PLA2R1: variants seen among roughly 807,000 people sequenced by gnomAD.
PLA2R1 encodes phospholipase A2 receptor 1, also known as secretory phospholipase A2 receptor.
A neutral mutation model predicts 195.9 loss-of-function variants in PLA2R1; 158 were observed. The observed-to-expected ratio is 0.81, with a 90% CI of 0.71 to 0.92. PLA2R1 has a LOEUF of 0.92. Ranked by LOEUF, PLA2R1 falls within the 40% of genes least tolerant of loss-of-function variation. The pLI, the probability that PLA2R1 is intolerant of heterozygous loss-of-function variation, is 0.00. For missense variants in PLA2R1, 1,626 were observed against 1,764.6 expected (o/e 0.92, Z 1.41); for synonymous variants, 586 against 598.2 (o/e 0.98, Z 0.30).
At chr2:159,954,685 C>T (rs1032355127) in intron 23 of PLA2R1, among the ~76,000 whole-genome samples, 5 of 152,046 alleles carry the variant, frequency 3.3e-5, no homozygotes, top group African/African-American at 1.2e-4. Flanking sequence ...AGTGCATTCA[C>T]ACTATTCATT....
chr2:160,001,141 C>A (rs1278353090), intron 11 of PLA2R1, among the ~76,000 whole-genome samples: 2 of 151,972 alleles, frequency 1.3e-5, no homozygotes, highest in African/African-American at 4.8e-5. Context: ...GCAAAGATAA[C>A]AACAACAAAA....
At chr2:160,005,375 C>T (rs62175471) in intron 11 of PLA2R1, among the ~76,000 whole-genome samples, 58,527 of 152,040 alleles carry the variant, frequency 0.38, 14,089 homozygotes, top group Non-Finnish European at 0.53. Flanking sequence ...GTCAAGGCTG[C>T]AGTGAACCGA....
intron 12 of PLA2R1, among the ~76,000 whole-genome samples, chr2:159,985,982 T>C (rs1690297618): frequency 6.6e-6 from 1 of 152,080 alleles, no homozygotes; most frequent in Non-Finnish European, 1.5e-5. Flanking sequence ...ACCTGGGATA[T>C]AAAACCCCGA....
At chr2:160,004,707 A>G (rs2715916) in intron 11 of PLA2R1, among the ~76,000 whole-genome samples, 131,031 of 152,210 alleles carry the variant, frequency 0.86, 56,619 homozygotes, top group African/African-American at 0.92. Flanking sequence ...CTGAAGTAGA[A>G]GGGCTGTTGG....
intron 25 of PLA2R1, 121 bp downstream of exon 25, chr2:159,949,487 C>A (rs1687589862): frequency 3.1e-6 from 2 of 639,620 alleles, no homozygotes; most frequent in Non-Finnish European, 2.6e-6. Context: ...CCAACCAGAC[C>A]AGAGGCTTCT....
chr2:160,004,303 T>C (rs1691819922), intron 11 of PLA2R1, among the ~76,000 whole-genome samples: 1 of 152,260 alleles, frequency 6.6e-6, no homozygotes, highest in African/African-American at 2.4e-5. Context: ...GGTCACATTA[T>C]CTATAGTAAG....
chr2:159,934,324 AAG>A lies in PLA2R1; in HGVS notation c.*7452_*7453del, dbSNP rs1358372230. 6.6e-6 allele frequency: 1 copy of A among 152,354 alleles called. No homozygotes were observed. The highest frequency in any genetic ancestry group is 1.5e-5 in the Non-Finnish European group (1 of 68,124). 9.4% of individuals were successfully genotyped at this position (152,354 alleles called of 1,614,324 possible). A position where few individuals can be genotyped will look rare whatever the true frequency, so the allele number is the denominator to read the frequency against. On this transcript the variant is annotated 3_prime_UTR_variant, in exon 30 of 30. Transcript: ENST00000283243. ...TGACACAAAAGAAGAATGCAGGGAA[AAG>A]AGAGCAGATGGAAGTGAGCATGGCC...
chr2:160,052,903 C>A (rs1486780132), intron 1 of PLA2R1, among the ~76,000 whole-genome samples: 1 of 152,142 alleles, frequency 6.6e-6, no homozygotes, highest in Non-Finnish European at 1.5e-5. Flanking sequence ...TACTAAAGTG[C>A]AAGGTAGAAA....
chr2:160,023,890 C>T (rs946249353), intron 6 of PLA2R1, among the ~76,000 whole-genome samples: 1 of 148,670 alleles, frequency 6.7e-6, no homozygotes, highest in African/African-American at 2.5e-5. Context: ...GCTGCCCCCA[C>T]CCCCACCATC....
rs1694565033 is a variant in PLA2R1, at chr2:160,042,195, A to C, written c.497T>G (p.Leu166Trp). The stretch of plus-strand genomic sequence containing the variant: ...GTGGGTGTTCCCTTTGATTGTATGC[A>C]AATCTAGGAGAAAGAAATGTACAAA... Reference protein sequence around the residue: ...GDICEYLHKDLHTIKGNTHGM... With the variant: ...GDICEYLHKDWHTIKGNTHGM... Residue 166 changes from leucine to tryptophan, a missense_variant, in exon 3 of 30, where the codon TTG becomes TGG. Leu to Trp is a moderately conservative substitution (Grantham distance 61, BLOSUM62 -2). Coordinates refer to ENST00000283243, the MANE Select transcript of PLA2R1 (RefSeq NM_007366.5). 2 of 1,612,300 alleles carry C rather than the reference A, an allele frequency of 1.2e-6. No individual in the cohort carries two copies. Among genetic ancestry groups the C allele is most frequent in the East Asian group, 4.5e-5 (2 of 44,840 alleles).
intron 11 of PLA2R1, among the ~76,000 whole-genome samples, chr2:159,999,037 T>C (rs948166464): frequency 1.3e-5 from 2 of 152,078 alleles, no homozygotes; most frequent in Non-Finnish European, 2.9e-5. Context: ...TCCATCCTCA[T>C]GAATGGGATT....
intron 1 of PLA2R1, among the ~76,000 whole-genome samples, chr2:160,051,279 C>A (rs1695195654): frequency 6.6e-6 from 1 of 152,194 alleles, no homozygotes; most frequent in African/African-American, 2.4e-5. Flanking sequence ...TTAAGACAAG[C>A]TATTAGAAAG....
chr2:160,046,756 G>A (rs1246071167), intron 1 of PLA2R1, among the ~76,000 whole-genome samples: 8 of 152,092 alleles, frequency 5.3e-5, no homozygotes, highest in Non-Finnish European at 7.4e-5. Context: ...AATGGTTTTA[G>A]GGAGATTTCA....
rs375678419 is a variant in PLA2R1 at position 159,943,868 on chromosome 2, C to A, written c.4144+1038G>T. 9.9e-4 allele frequency among the ~76,000 whole-genome samples: 151 copies of A among 151,832 alleles called. 8 individuals carry two copies. In the South Asian group the frequency reaches 0.031, roughly 31 times the overall value. ...ACTGTGGGGGTTTCAAACATTGGTGCCCACACCTGCAGTGTTTTCTTCTTC... is the reference window on the plus strand; with the variant it reads ...ACTGTGGGGGTTTCAAACATTGGTGACCACACCTGCAGTGTTTTCTTCTTC... On this transcript the variant is annotated intron_variant, in intron 28 of 29. Coordinates refer to ENST00000283243, the MANE Select transcript of PLA2R1 (RefSeq NM_007366.5).
chr2:159,968,844 A>G (rs1465749448), intron 19 of PLA2R1, among the ~76,000 whole-genome samples: 2 of 152,252 alleles, frequency 1.3e-5, no homozygotes, highest in Admixed American at 6.5e-5. Flanking sequence ...GAATCAAAAC[A>G]TTTATTAAAT....
At chr2:159,930,187 T>C (rs189241440), downstream of PLA2R1, among the ~76,000 whole-genome samples, 1 of 152,196 alleles carries the variant, frequency 6.6e-6, no homozygotes, top group Admixed American at 6.5e-5. Context: ...GGCGGGTGGA[T>C]CACGAGGTCA....
At chr2:159,981,314 T>A (rs1689936728) in intron 13 of PLA2R1, among the ~76,000 whole-genome samples, 1 of 143,182 alleles carries the variant, frequency 7.0e-6, no homozygotes, top group South Asian at 2.1e-4. Context: ...TTATACCTGC[T>A]AACTATGAGA....
intron 20 of PLA2R1, among the ~76,000 whole-genome samples, chr2:159,966,988 T>C (rs1688830349): frequency 6.6e-6 from 1 of 152,182 alleles, no homozygotes; most frequent in African/African-American, 2.4e-5. Context: ...ACCAGCTTTA[T>C]GAGGCTTAAG....
At chr2:159,946,240 G>A (rs1687381901) in intron 27 of PLA2R1, 1 of 981,140 alleles carries the variant, frequency 1.0e-6, no homozygotes. Context: ...CTCCTCGAAA[G>A]GGTAGGCTCA....
Sources: allele counts gnomAD v4.1 joint callset (sites outside exome capture counted in the v4.1 genomes callset), GRCh38; gene constraint gnomAD v4.1.1; transcripts MANE v1.5; gene names NCBI Gene and HGNC (gene_info 2026-07-23, HGNC 2026-07-21).